ZDHHC14: variants seen among roughly 807,000 people sequenced by gnomAD.
ZDHHC14 encodes the protein zDHHC palmitoyltransferase 14, also known as palmitoyltransferase ZDHHC14.
Under a neutral mutation model 47.7 loss-of-function variants are expected in ZDHHC14, and 16 were observed. That is an observed-to-expected ratio of 0.34 (90% confidence interval 0.23 to 0.51). ZDHHC14 has a LOEUF of 0.51. Among genes scored for constraint, ZDHHC14 ranks in the 20% least tolerant of loss-of-function variants. ZDHHC14 has a pLI of 0.97. For missense variants in ZDHHC14, 515 were observed against 662.5 expected (o/e 0.78, Z 2.44); for synonymous variants, 293 against 278.9 (o/e 1.05, Z -0.50).
chr6:157,391,313 C>T (rs1326070878), intron 1 of ZDHHC14, among the ~76,000 whole-genome samples: 2 of 152,128 alleles, frequency 1.3e-5, no homozygotes, highest in African/African-American at 4.8e-5. Flanking sequence ...AGAAATCTTC[C>T]CTGTACAGCT....
At chr6:157,598,641 A>G (rs1039269077) in intron 3 of ZDHHC14, among the ~76,000 whole-genome samples, 2 of 152,244 alleles carry the variant, frequency 1.3e-5, no homozygotes, top group African/African-American at 4.8e-5. Flanking sequence ...CAAAATATAT[A>G]AAGTAAAGGT....
At chr6:157,414,821 CTT>C (rs71027333) in intron 1 of ZDHHC14, among the ~76,000 whole-genome samples, 15 of 111,964 alleles carry the variant, frequency 1.3e-4, no homozygotes, top group African/African-American at 4.5e-4. Context: ...AGGTTTGCAG[CTT>C]TTTTTTTTTT....
At chr6:157,422,149 C>T (rs575935334) in intron 1 of ZDHHC14, among the ~76,000 whole-genome samples, 2 of 152,276 alleles carry the variant, frequency 1.3e-5, no homozygotes, top group African/African-American at 4.8e-5. Context: ...CAGAGCATTT[C>T]CAGGCATCTG....
intron 3 of ZDHHC14, among the ~76,000 whole-genome samples, chr6:157,626,902 G>T (rs978362308): frequency 1.9e-5 from 2 of 103,810 alleles, no homozygotes; most frequent in African/African-American, 7.0e-5. Flanking sequence ...GGGGGGGGGC[G>T]GCGGGGGCAG....
chr6:157,604,575 T>C (rs1784459589), intron 3 of ZDHHC14, among the ~76,000 whole-genome samples: 1 of 151,698 alleles, frequency 6.6e-6, no homozygotes, highest in Admixed American at 6.6e-5. Context: ...TGAGACGGAT[T>C]CTTGCTCTGT....
intron 1 of ZDHHC14, among the ~76,000 whole-genome samples, chr6:157,443,970 T>C (rs1404718198): frequency 6.6e-6 from 1 of 152,042 alleles, no homozygotes; most frequent in African/African-American, 2.4e-5. Context: ...GGTATTGTTA[T>C]CTTATTATTT....
chr6:157,489,004 C>A (rs1254186207), intron 1 of ZDHHC14, among the ~76,000 whole-genome samples: 2 of 152,192 alleles, frequency 1.3e-5, no homozygotes, highest in Non-Finnish European at 2.9e-5. Flanking sequence ...TACAAGATAA[C>A]CTGATGCTGT....
At chr6:157,648,832 G>A (rs930011529) in intron 7 of ZDHHC14, among the ~76,000 whole-genome samples, 1 of 152,206 alleles carries the variant, frequency 6.6e-6, no homozygotes, top group Non-Finnish European at 1.5e-5. Context: ...CCGCTGGCTT[G>A]TTTGTGACTA....
chr6:157,407,935 C>A (rs1411357970), intron 1 of ZDHHC14, among the ~76,000 whole-genome samples: 1 of 152,152 alleles, frequency 6.6e-6, no homozygotes, highest in Non-Finnish European at 1.5e-5. Context: ...AATGCGAGTC[C>A]TCTATGCTCT....
At chr6:157,612,624 G>A (rs1030516776) in intron 3 of ZDHHC14, among the ~76,000 whole-genome samples, 13 of 151,926 alleles carry the variant, frequency 8.6e-5, no homozygotes, top group African/African-American at 2.7e-4. Flanking sequence ...GTGTGGACTC[G>A]AGTGGCCGAT....
intron 1 of ZDHHC14, among the ~76,000 whole-genome samples, chr6:157,435,701 G>A (rs199908672): frequency 2.0e-5 from 3 of 152,016 alleles, no homozygotes; most frequent in Non-Finnish European, 2.9e-5. Context: ...CCCCATGCCC[G>A]CCTAATTTTT....
intron 2 of ZDHHC14, among the ~76,000 whole-genome samples, chr6:157,563,480 G>A (rs1782788652): frequency 6.6e-6 from 1 of 152,184 alleles, no homozygotes; most frequent in South Asian, 2.1e-4. Context: ...AAGTGGGAGT[G>A]TGTGCTCTTA....
chr6:157,432,922 G>A (rs1778365460), intron 1 of ZDHHC14, among the ~76,000 whole-genome samples: 1 of 152,240 alleles, frequency 6.6e-6, no homozygotes, highest in Non-Finnish European at 1.5e-5. Context: ...CCAGATGGTT[G>A]TTCCAAAAGG....
At chr6:157,425,882 C>T (rs1778207909) in intron 1 of ZDHHC14, among the ~76,000 whole-genome samples, 2 of 152,192 alleles carry the variant, frequency 1.3e-5, no homozygotes, top group Admixed American at 1.3e-4. Context: ...CCTGTTTCCT[C>T]TGTAATGCTT....
intron 1 of ZDHHC14, among the ~76,000 whole-genome samples, chr6:157,460,122 G>A (rs1331451941): frequency 6.6e-6 from 1 of 150,648 alleles, no homozygotes; most frequent in Non-Finnish European, 1.5e-5. Context: ...AGAATCGCCT[G>A]AACCCGGGAG....
intron 1 of ZDHHC14, among the ~76,000 whole-genome samples, chr6:157,450,440 C>CG: frequency 6.7e-6 from 1 of 149,648 alleles, no homozygotes; most frequent in African/African-American, 2.5e-5. Flanking sequence ...GCGTGAACCC[C>CG]GGGGGTAGAG....
chr6:157,479,199 GC>G (rs774721265), intron 1 of ZDHHC14, among the ~76,000 whole-genome samples: 4 of 152,314 alleles, frequency 2.6e-5, no homozygotes, highest in Admixed American at 1.3e-4. Context: ...CCCACTCTGT[GC>G]CCCCAGTTAT....
chr6:157,653,490 A>G (rs746706368), intron 7 of ZDHHC14, 35 bp from the exon 8 acceptor site: 2 of 1,607,896 alleles, frequency 1.2e-6, no homozygotes, highest in Non-Finnish European at 1.7e-6. Context: ...CTTTTTATTC[A>G]CTCTCTTCCT....
intron 1 of ZDHHC14, among the ~76,000 whole-genome samples, chr6:157,445,897 A>T (rs567495707): frequency 1.3e-5 from 2 of 152,340 alleles, no homozygotes; most frequent in African/African-American, 4.8e-5. Context: ...CCAGCAAATT[A>T]TCCAGGGCAA....
Sources: gnomAD v4.1 joint callset for allele counts (sites outside exome capture counted in the v4.1 genomes callset) on GRCh38, gnomAD v4.1.1 for gene constraint, MANE v1.5 for transcripts, NCBI Gene and HGNC (gene_info 2026-07-23, HGNC 2026-07-21) for gene names.